The following SERPINB12 variants were observed in gnomAD, a reference collection of about 807,000 sequenced individuals.
The protein encoded by SERPINB12 is serpin family B member 12, also known as serpin B12.
A neutral mutation model predicts 41.1 loss-of-function variants in SERPINB12; 57 were observed. The observed-to-expected ratio is 1.39, with a 90% CI of 1.12 to 1.73. SERPINB12 has a LOEUF of 1.73. SERPINB12 is among the 40% of genes most tolerant of loss of function. The probability of loss-of-function intolerance (pLI) is 0.00; values close to 1 mark genes in which losing one functional copy is unlikely to be tolerated. For missense variants in SERPINB12, 536 were observed against 501.9 expected, an observed-to-expected ratio of 1.07 and a Z score of -0.65; for synonymous variants, 180 against 181.3, an observed-to-expected ratio of 0.99 and a Z score of 0.06.
chr18:63,561,007 C>T (rs1272555866), intron 4 of SERPINB12, 78 bp from the exon 5 acceptor site: 7 of 903,300 alleles, frequency 7.7e-6, no homozygotes, highest in African/African-American at 3.3e-5. Flanking sequence ...GGAGACTTCT[C>T]AGGAGAGTCT....
At chr18:63,525,052 T>C in the SERPINB12 span, among the ~76,000 whole-genome samples, 1 of 152,188 alleles carries the variant, frequency 6.6e-6, no homozygotes, top group African/African-American at 2.4e-5. Context: ...CCTGGCCCCC[T>C]TCCCATTTTG....
intron 1 of SERPINB12, among the ~76,000 whole-genome samples, chr18:63,551,814 A>G (rs567979523): frequency 6.6e-6 from 1 of 152,270 alleles, no homozygotes; most frequent in Non-Finnish European, 1.5e-5. Flanking sequence ...TTTTGAATCC[A>G]ATTGATTTGG....
the SERPINB12 span, among the ~76,000 whole-genome samples, chr18:63,520,659 A>C: frequency 1.3e-5 from 2 of 152,228 alleles, no homozygotes; most frequent in Non-Finnish European, 2.9e-5. Context: ...GGACAGTGGT[A>C]GAAAAACCAG....
chr18:63,541,969 T>C (rs1284223440), upstream of SERPINB12, among the ~76,000 whole-genome samples: 1 of 152,190 alleles, frequency 6.6e-6, no homozygotes, highest in Admixed American at 6.6e-5. Flanking sequence ...CCTCACAGTT[T>C]TGTCACTACT....
the SERPINB12 span, among the ~76,000 whole-genome samples, chr18:63,529,035 T>C: frequency 6.6e-6 from 1 of 152,182 alleles, no homozygotes; most frequent in Non-Finnish European, 1.5e-5. Context: ...CCAGGGGCCA[T>C]TGATCCATGT....
At chr18:63,539,895 G>C (rs1910241063), upstream of SERPINB12, among the ~76,000 whole-genome samples, 1 of 152,108 alleles carries the variant, frequency 6.6e-6, no homozygotes, top group African/African-American at 2.4e-5. Flanking sequence ...TCAATGGTGT[G>C]TCCTATAGAA....
intron 6 of SERPINB12, 128 bp downstream of exon 6, chr18:63,564,248 A>G: frequency 1.1e-6 from 1 of 916,064 alleles, no homozygotes; most frequent in East Asian, 2.6e-5. Context: ...GTTGATAAGA[A>G]CCAGTACCTG....
the SERPINB12 span, among the ~76,000 whole-genome samples, chr18:63,525,785 G>A: frequency 1.3e-5 from 2 of 152,106 alleles, no homozygotes; most frequent in Non-Finnish European, 2.9e-5. Flanking sequence ...TTTGTTAAGT[G>A]ATTTTATAGC....
At chr18:63,525,258 A>AT in the SERPINB12 span, among the ~76,000 whole-genome samples, 1 of 152,016 alleles carries the variant, frequency 6.6e-6, no homozygotes, top group East Asian at 1.9e-4. Context: ...CTTTCTTATA[A>AT]TTTTTCCCAT....
chr18:63,563,411 G>A (rs1374966646), intron 5 of SERPINB12, among the ~76,000 whole-genome samples: 3 of 152,134 alleles, frequency 2.0e-5, no homozygotes, highest in Non-Finnish European at 4.4e-5. Context: ...CCAAACACAA[G>A]CAATACAGGG....
At position 63,556,144 on chromosome 18, in the gene SERPINB12, C is replaced by A. The variant is rs764684991; in HGVS notation, c.-16C>A. The A allele has an allele frequency of 7.5e-6, 12 of 1,593,182 alleles. No homozygotes were observed. The African/African-American group carries it at 1.2e-4, about 16-fold the overall frequency. ...TTCTCCTTTTTTTTTGGTTTTAGAT[C>A]GTTATAAGTTTTACAATGGACTCTC... On this transcript the variant is annotated splice_region_variant and 5_prime_UTR_variant, in exon 2 of 8. Transcript: ENST00000382768.
chr18:63,541,361 C>A (rs1397206489), upstream of SERPINB12, among the ~76,000 whole-genome samples: 1 of 152,070 alleles, frequency 6.6e-6, no homozygotes, highest in Admixed American at 6.6e-5. Flanking sequence ...AAGTTATGAT[C>A]CTCACTCAAT....
chr18:63,565,519 A>G lies in SERPINB12; in HGVS notation c.780A>G (p.Ala260=). 1 of 1,613,978 alleles carries G rather than the reference A, an allele frequency of 6.2e-7. No individual in the cohort carries two copies. Among genetic ancestry groups the G allele is most frequent in the Non-Finnish European group, 8.5e-7 (1 of 1,179,934 alleles). ...YRIGFIEEVK[A]QILEMRYTKG... is the part of the protein sequence containing the mutation. Reference sequence around the variant, plus strand: ...TTGGCTTCATAGAGGAGGTGAAGGCACAGATCCTGGAAATGAGGTACACCA... The same window carrying G: ...TTGGCTTCATAGAGGAGGTGAAGGCGCAGATCCTGGAAATGAGGTACACCA... Residue 260 remains alanine (A), a synonymous_variant, in exon 7 of 8, where the codon GCA becomes GCG. Transcript: ENST00000382768.
At chr18:63,528,829 G>A in the SERPINB12 span, among the ~76,000 whole-genome samples, 90 of 152,176 alleles carry the variant, frequency 5.9e-4, no homozygotes, top group Non-Finnish European at 1.2e-3. Context: ...TGCCAAAAAA[G>A]ACTTTATAGT....
chr18:63,541,434 A>G (rs1199660656), upstream of SERPINB12, among the ~76,000 whole-genome samples: 8 of 152,204 alleles, frequency 5.3e-5, no homozygotes, highest in African/African-American at 1.9e-4. Context: ...ACTTAGAGAC[A>G]GGACCCTCAA....
the SERPINB12 span, among the ~76,000 whole-genome samples, chr18:63,529,004 C>G: frequency 7.2e-5 from 11 of 152,142 alleles, no homozygotes; most frequent in Admixed American, 7.2e-4. Context: ...GCAAAGGGCT[C>G]TGCTGGGACC....
chr18:63,556,023 C>T (rs1910660619), intron 1 of SERPINB12, 119 bp from the exon 2 acceptor site: 2 of 741,902 alleles, frequency 2.7e-6, no homozygotes. Flanking sequence ...TTTTCCAGTT[C>T]TTAATAGCAT....
chr18:63,534,357 T>C, the SERPINB12 span, among the ~76,000 whole-genome samples: 1 of 152,206 alleles, frequency 6.6e-6, no homozygotes, highest in African/African-American at 2.4e-5. Context: ...TGTGGGGAGT[T>C]ACTAAAGTTA....
In SERPINB12 at chr18:63,558,358, C is replaced by T. The variant is rs12970198; in HGVS notation, c.175C>T (p.His59Tyr). 4,831 of 1,613,498 alleles carry T rather than the reference C, an allele frequency of 3.0e-3. 17 individuals carry two copies. The highest frequency in any genetic ancestry group is 3.8e-3 in the Non-Finnish European group (4,450 of 1,179,762). ...CCATCCCGTTATCATGCAGGTACTACACTTCAACGAATTTTCCCAGAATGA... is the reference window on the plus strand; with the variant it reads ...CCATCCCGTTATCATGCAGGTACTATACTTCAACGAATTTTCCCAGAATGA... ...DSAHQIDEVL[H>Y]FNEFSQNESK... Residue 59 changes from histidine (H) to tyrosine (Y), a missense_variant, in exon 3 of 8, where the codon CAC (histidine) becomes TAC (tyrosine). His to Tyr is a moderately conservative substitution (Grantham distance 83). Transcript: ENST00000382768.
Sources: allele counts gnomAD v4.1 joint callset (sites outside exome capture counted in the v4.1 genomes callset), GRCh38; gene constraint gnomAD v4.1.1; transcripts MANE v1.5; gene names NCBI Gene and HGNC (gene_info 2026-07-23, HGNC 2026-07-21).